Variants in RAD51 observed in about 807,000 individuals in gnomAD.
RAD51 encodes the protein DNA repair protein RAD51 homolog 1.
RAD51 carries 14 observed loss-of-function variants against 41.5 expected under a neutral mutation model. The observed-to-expected ratio is 0.34, with a 90% CI of 0.22 to 0.53. The LOEUF (loss-of-function observed/expected upper bound fraction) is 0.53, where lower values mean the gene tolerates loss of function less well. Ranked by LOEUF, RAD51 falls within the 20% of genes least tolerant of loss-of-function variation. The pLI, the probability that RAD51 is intolerant of heterozygous loss-of-function variation, is 0.95. For synonymous variants in RAD51, 136 were observed against 148.6 expected, an observed-to-expected ratio of 0.92 and a Z score of 0.62; for missense variants, 234 against 422.0, an observed-to-expected ratio of 0.55 and a Z score of 3.90.
intron 5 of RAD51, among the ~76,000 whole-genome samples, chr15:40,713,899 C>A (rs1895849725): frequency 1.3e-5 from 2 of 152,194 alleles, no homozygotes; most frequent in South Asian, 4.1e-4. Flanking sequence ...AGCCACCGTG[C>A]CTGGCTGGCT....
In RAD51 at chr15:40,701,140, C is replaced by T. The variant is rs145617142; in HGVS notation, c.164C>T (p.Ala55Val). Reference protein sequence around the residue: ...GFHTVEAVAYAPKKELINIKG... With the variant: ...GFHTVEAVAYVPKKELINIKG... ...CATACTGTGGAGGCTGTTGCCTATGCGCCAAAGAAGGAGCTAATAAATATT... is the reference window on the plus strand; with the variant it reads ...CATACTGTGGAGGCTGTTGCCTATGTGCCAAAGAAGGAGCTAATAAATATT... Residue 55 changes from alanine to valine, a missense_variant, in exon 3 of 10, where the codon GCG (alanine) becomes GTG (valine). Coordinates refer to ENST00000267868, the MANE Select transcript of RAD51 (RefSeq NM_002875.5). 1.1e-4 allele frequency: 182 copies of T among 1,613,988 alleles called. No homozygotes were observed. In the African/African-American group the frequency reaches 1.9e-3, roughly 17 times the overall value.
chr15:40,708,672 C>T (rs1344038649), intron 4 of RAD51, among the ~76,000 whole-genome samples: 1 of 152,176 alleles, frequency 6.6e-6, no homozygotes, highest in Non-Finnish European at 1.5e-5. Context: ...CAACTTCTGC[C>T]TCCCAGGCTC....
intron 1 of RAD51, among the ~76,000 whole-genome samples, chr15:40,696,111 C>T (rs1894610560): frequency 6.6e-6 from 1 of 152,046 alleles, no homozygotes; most frequent in South Asian, 2.1e-4. Context: ...CTTCTGACCT[C>T]AGGTTATCCA....
At chr15:40,696,051 T>TA (rs1442528337) in intron 1 of RAD51, among the ~76,000 whole-genome samples, 16 of 152,108 alleles carry the variant, frequency 1.1e-4, no homozygotes, top group African/African-American at 3.9e-4. Flanking sequence ...CTGATTTTTG[T>TA]ATTTTTAGTA....
chr15:40,711,368 C>G (rs940979685), intron 5 of RAD51, among the ~76,000 whole-genome samples: 1 of 152,202 alleles, frequency 6.6e-6, no homozygotes, highest in Non-Finnish European at 1.5e-5. Flanking sequence ...GTCGAGGCTC[C>G]AGTGACTGGG....
At chr15:40,701,799 T>A (rs1567038898) in intron 3 of RAD51, 1 of 269,344 alleles carries the variant, frequency 3.7e-6, no homozygotes, top group Non-Finnish European at 7.1e-6. Flanking sequence ...TTTTTTTTTT[T>A]TTTGAGACGG....
chr15:40,707,025 C>T (rs1029920175), intron 4 of RAD51, among the ~76,000 whole-genome samples: 1 of 152,024 alleles, frequency 6.6e-6, no homozygotes, highest in South Asian at 2.1e-4. Context: ...GGGTCTCACT[C>T]TGTCACCCAG....
chr15:40,701,919 G>T (rs935603528), intron 3 of RAD51: 1 of 362,244 alleles, frequency 2.8e-6, no homozygotes, highest in Non-Finnish European at 5.4e-6. Flanking sequence ...GAGTAGTTGG[G>T]ACTACAGGTA....
chr15:40,730,968 T>C, intron 9 of RAD51, 87 bp from the exon 10 acceptor site: 1 of 1,563,802 alleles, frequency 6.4e-7, no homozygotes, highest in African/African-American at 1.4e-5. Context: ...AATATATGTC[T>C]AAAAAATTTT....
In RAD51 at chr15:40,707,113, C is replaced by T. The variant is rs981997807; in HGVS notation, c.343+819C>T. Among the ~76,000 whole-genome samples the T allele has an allele frequency of 4.0e-5, 6 of 149,810 alleles. No individual in the cohort carries two copies. The South Asian group carries it at 1.1e-3, about 26-fold the overall frequency. On this transcript the variant is annotated intron_variant, in intron 4 of 9. Coordinates refer to ENST00000267868, the MANE Select transcript of RAD51 (RefSeq NM_002875.5). ...TCAAGTGATCTTCTAGCCTCAGTCTCCCCAAGCTAGGACTATGATCATTTA... is the reference window on the plus strand; with the variant it reads ...TCAAGTGATCTTCTAGCCTCAGTCTTCCCAAGCTAGGACTATGATCATTTA...
At chr15:40,716,807 G>C (rs1430022196) in intron 5 of RAD51, among the ~76,000 whole-genome samples, 1 of 150,564 alleles carries the variant, frequency 6.6e-6, no homozygotes, top group Non-Finnish European at 1.5e-5. Flanking sequence ...ACTACAGGTG[G>C]CCGCCACCAC....
At chr15:40,719,319 A>G (rs1048379789) in intron 6 of RAD51, among the ~76,000 whole-genome samples, 1 of 151,854 alleles carries the variant, frequency 6.6e-6, no homozygotes, top group African/African-American at 2.4e-5. Context: ...TTGACTTCCC[A>G]AAGTGCTGGG....
rs759153504 is a variant in RAD51, at chr15:40,729,995, GTTC to G, written c.896+27_896+29del. 9 of 1,612,962 alleles carry G rather than the reference GTTC, an allele frequency of 5.6e-6. No individual in the cohort carries two copies. In the African/African-American group the frequency reaches 6.7e-5, roughly 12 times the overall value. On this transcript the variant is annotated intron_variant, in intron 9 of 9. Transcript: ENST00000267868. Reference sequence around the variant, plus strand: ...ACCAGGTAAGGTGTTGATGGGATCAGTTCTTCTTTTCGGAATGTCATATTAACT... The same window carrying G: ...ACCAGGTAAGGTGTTGATGGGATCAGTTCTTTTCGGAATGTCATATTAACT...
At chr15:40,722,488 G>A (rs988172517) in intron 6 of RAD51, among the ~76,000 whole-genome samples, 11 of 151,740 alleles carry the variant, frequency 7.2e-5, no homozygotes, top group Admixed American at 6.6e-4. Flanking sequence ...CAAAGAGACA[G>A]AAAGTAGAAT....
chr15:40,729,439 G>A, intron 7 of RAD51, 66 bp from the exon 8 acceptor site: 3 of 1,532,492 alleles, frequency 2.0e-6, no homozygotes, highest in Non-Finnish European at 2.7e-6. Flanking sequence ...TTTTAGGGTG[G>A]TAAGGAAGGG....
At chr15:40,702,240 A>G (rs969940428) in intron 3 of RAD51, among the ~76,000 whole-genome samples, 2 of 152,154 alleles carry the variant, frequency 1.3e-5, no homozygotes, top group Non-Finnish European at 2.9e-5. Flanking sequence ...AGATTGTCAT[A>G]TTGACTAAGC....
intron 5 of RAD51, among the ~76,000 whole-genome samples, chr15:40,710,077 C>T (rs948405863): frequency 1.3e-5 from 2 of 151,736 alleles, no homozygotes; most frequent in Non-Finnish European, 2.9e-5. Flanking sequence ...CCCATCTCTA[C>T]TAAAAATACA....
chr15:40,700,401 C>T (rs1399733366), intron 2 of RAD51, among the ~76,000 whole-genome samples: 4 of 152,164 alleles, frequency 2.6e-5, no homozygotes, highest in Non-Finnish European at 5.9e-5. Flanking sequence ...CAAGATAGTG[C>T]TCTTTATATT....
intron 2 of RAD51, 119 bp from the exon 3 acceptor site, chr15:40,700,945 C>G (rs559429083): frequency 2.1e-3 from 990 of 470,860 alleles, no homozygotes; most frequent in East Asian, 3.5e-3. Flanking sequence ...CCAAGGATTT[C>G]AAGGGACAGT....
Sources: gnomAD v4.1 joint callset for allele counts (sites outside exome capture counted in the v4.1 genomes callset) on GRCh38, gnomAD v4.1.1 for gene constraint, MANE v1.5 for transcripts, NCBI Gene and HGNC (gene_info 2026-07-23, HGNC 2026-07-21) for gene names.